Variants in ARHGAP24 observed in about 807,000 individuals in gnomAD.
The protein encoded by ARHGAP24 is rho GTPase-activating protein 24.
In ARHGAP24, 50 loss-of-function variants were observed where a neutral mutation model predicts 76.4. The observed-to-expected ratio is 0.65, with a 90% CI of 0.52 to 0.83. The LOEUF is 0.83. Ranked by LOEUF, ARHGAP24 falls within the 40% of genes least tolerant of loss-of-function variation. ARHGAP24 has a pLI of 0.00. For synonymous variants in ARHGAP24, 345 were observed against 323.3 expected (o/e 1.07, Z -0.72); for missense variants, 930 against 914.2 (o/e 1.02, Z -0.22).
At chr4:85,666,123 T>C (rs1178710041) in intron 2 of ARHGAP24, among the ~76,000 whole-genome samples, 1 of 152,214 alleles carries the variant, frequency 6.6e-6, no homozygotes, top group African/African-American at 2.4e-5. Flanking sequence ...TCCAACTTGG[T>C]TCCATTCTGC....
intron 1 of ARHGAP24, among the ~76,000 whole-genome samples, chr4:85,512,677 G>C (rs1430387119): frequency 6.6e-6 from 1 of 152,200 alleles, no homozygotes. Context: ...TATAGAGCCA[G>C]AATCCTGGTC....
chr4:85,986,446 T>C (rs1468982322), intron 8 of ARHGAP24, among the ~76,000 whole-genome samples: 1 of 152,154 alleles, frequency 6.6e-6, no homozygotes, highest in Non-Finnish European at 1.5e-5. Context: ...TACATGCCTA[T>C]GATTCATAAG....
intron 2 of ARHGAP24, among the ~76,000 whole-genome samples, chr4:85,621,383 C>G (rs750528981): frequency 2.8e-4 from 43 of 152,204 alleles, no homozygotes; most frequent in Non-Finnish European, 4.1e-4. Flanking sequence ...ACATTCCCAC[C>G]AATAGTGTAT....
At chr4:85,825,143 C>G (rs1394289096) in intron 3 of ARHGAP24, among the ~76,000 whole-genome samples, 3 of 151,894 alleles carry the variant, frequency 2.0e-5, no homozygotes, top group African/African-American at 7.2e-5. Flanking sequence ...AAAAGAAATA[C>G]CTTAGTGGGG....
chr4:85,987,450 A>G (rs553242736), intron 8 of ARHGAP24, among the ~76,000 whole-genome samples: 87 of 152,246 alleles, frequency 5.7e-4, no homozygotes, highest in African/African-American at 1.5e-3. Context: ...CATGCAAAGA[A>G]TCATAAAAAT....
intron 3 of ARHGAP24, among the ~76,000 whole-genome samples, chr4:85,919,330 G>T (rs1310406153): frequency 2.0e-5 from 3 of 152,158 alleles, no homozygotes; most frequent in Non-Finnish European, 4.4e-5. Context: ...GGCAGTGCCA[G>T]GCTCTTAGAA....
At chr4:85,486,071 G>A (rs1723040096) in intron 1 of ARHGAP24, among the ~76,000 whole-genome samples, 1 of 152,064 alleles carries the variant, frequency 6.6e-6, no homozygotes, top group Non-Finnish European at 1.5e-5. Context: ...CTATGTGTAT[G>A]CATTTGGCAG....
intron 1 of ARHGAP24, among the ~76,000 whole-genome samples, chr4:85,566,058 G>A (rs955606662): frequency 5.3e-5 from 8 of 152,186 alleles, no homozygotes; most frequent in East Asian, 1.9e-4. Context: ...TAGCTATGGC[G>A]TGGTACAGTA....
intron 2 of ARHGAP24, among the ~76,000 whole-genome samples, chr4:85,575,929 A>C (rs1727351428): frequency 6.6e-6 from 1 of 152,192 alleles, no homozygotes; most frequent in African/African-American, 2.4e-5. Context: ...CTAAAATCTA[A>C]ATAAGCACCA....
chr4:85,622,606 A>G (rs1272549664), intron 2 of ARHGAP24, among the ~76,000 whole-genome samples: 1 of 152,174 alleles, frequency 6.6e-6, no homozygotes, highest in Non-Finnish European at 1.5e-5. Context: ...CTTTGGGTAT[A>G]TACCCAGTAA....
At chr4:85,484,470 T>A (rs1196371114) in intron 1 of ARHGAP24, among the ~76,000 whole-genome samples, 2 of 152,132 alleles carry the variant, frequency 1.3e-5, no homozygotes, top group Non-Finnish European at 2.9e-5. Flanking sequence ...GAAATATAAA[T>A]TTGTACACTG....
chr4:85,494,997 C>T (rs1397931988), intron 1 of ARHGAP24, among the ~76,000 whole-genome samples: 2 of 148,684 alleles, frequency 1.3e-5, no homozygotes, highest in Admixed American at 6.8e-5. Flanking sequence ...ACTCGAGAGG[C>T]TGAGGTAGAA....
At chr4:85,967,311 C>T (rs550407797) in intron 5 of ARHGAP24, among the ~76,000 whole-genome samples, 78 of 152,144 alleles carry the variant, frequency 5.1e-4, no homozygotes, top group African/African-American at 9.2e-4. Context: ...TAAACTCAAA[C>T]GAAGAATAAA....
chr4:85,558,467 T>C (rs1726475001), intron 1 of ARHGAP24, among the ~76,000 whole-genome samples: 1 of 152,184 alleles, frequency 6.6e-6, no homozygotes, highest in African/African-American at 2.4e-5. Context: ...TCAAATTATA[T>C]GTGAATAGCA....
intron 2 of ARHGAP24, among the ~76,000 whole-genome samples, chr4:85,593,405 T>C (rs78632225): frequency 3.3e-5 from 5 of 152,178 alleles, no homozygotes; most frequent in Admixed American, 2.0e-4. Flanking sequence ...ATTCTGTGGG[T>C]TGTCTCTTCA....
At chr4:85,972,329 G>A (rs1739035376) in intron 6 of ARHGAP24, 161 bp downstream of exon 6, 3 of 881,238 alleles carry the variant, frequency 3.4e-6, no homozygotes, top group African/African-American at 1.7e-5. Context: ...TACAGCTCAA[G>A]CACCATTTCC....
chr4:85,946,297 A>G (rs1737262312), intron 5 of ARHGAP24, among the ~76,000 whole-genome samples: 1 of 151,940 alleles, frequency 6.6e-6, no homozygotes, highest in Admixed American at 6.6e-5. Flanking sequence ...TAAAATGTAT[A>G]TTTTTTCCTA....
At chr4:85,496,298 A>G (rs756952760) in intron 1 of ARHGAP24, among the ~76,000 whole-genome samples, 8 of 152,238 alleles carry the variant, frequency 5.3e-5, no homozygotes, top group African/African-American at 1.9e-4. Context: ...TTTTGGTTGC[A>G]TGTGCCTTTC....
chr4:85,985,053 C>T (rs911436729), intron 8 of ARHGAP24, among the ~76,000 whole-genome samples: 1 of 152,152 alleles, frequency 6.6e-6, no homozygotes, highest in Admixed American at 6.5e-5. Context: ...AACTCCTGAC[C>T]TCAGGTGATC....
Sources: gnomAD v4.1 joint callset for allele counts (sites outside exome capture counted in the v4.1 genomes callset) on GRCh38, gnomAD v4.1.1 for gene constraint, MANE v1.5 for transcripts, NCBI Gene and HGNC (gene_info 2026-07-23, HGNC 2026-07-21) for gene names.